The following GRN variants were observed in gnomAD, a reference collection of about 807,000 sequenced individuals.
The protein encoded by GRN is granulin precursor.
Under a neutral mutation model 66.7 loss-of-function variants are expected in GRN, and 30 were observed. The ratio of observed to expected loss-of-function variants is 0.45; its 90% CI spans 0.34 to 0.61. The LOEUF (loss-of-function observed/expected upper bound fraction) is 0.61. Among genes scored for constraint, GRN ranks in the 20% least tolerant of loss-of-function variants. GRN has a pLI of 0.01. For synonymous variants in GRN, 327 were observed against 311.1 expected, an observed-to-expected ratio of 1.05 and a Z score of -0.54; for missense variants, 731 against 803.5, an observed-to-expected ratio of 0.91 and a Z score of 1.09.
chr17:44,351,050 C>G lies in GRN; in HGVS notation c.722C>G (p.Ser241Cys). Residue 241 changes from serine to cysteine, a missense_variant, in exon 8 of 13, where the codon TCC becomes TGC. By Grantham distance (112) the Ser-to-Cys change is moderately radical (BLOSUM62 -1). Around this residue, in one of 3 missense-constraint regions of GRN, gnomAD observed 370 missense variants for 379.8 expected, o/e 0.97. Coordinates refer to ENST00000053867, the MANE Select transcript of GRN (RefSeq NM_002087.4). ...GTCCCCACTCAGGCCACCTGCTGCT[C>G]CGATCACCTGCACTGCTGCCCCCAA... is the stretch of plus-strand genomic sequence containing the variant. ...CCPMPNATCC[S>C]DHLHCCPQDT... is the part of the protein sequence containing the mutation. 6.2e-7 allele frequency: 1 copy of G among 1,613,932 alleles called. No individual in the cohort carries two copies.
At position 44,352,787 on chromosome 17, in the gene GRN, C is replaced by A; in HGVS notation, c.1771C>A (p.Gln591Lys). The A allele has an allele frequency of 6.2e-7, 1 of 1,611,676 alleles. No homozygotes were observed. Among genetic ancestry groups the A allele is most frequent in the African/African-American group, 1.3e-5 (1 of 75,048 alleles). ...CCCTTTGAGGGACCCAGCCTTGAGA[C>A]AGCTGCTGTGAGGGACAGTACTGAA... ...DAPLRDPALRQLL is the reference protein window; with the variant it reads ...DAPLRDPALRKLL Residue 591 changes from glutamine (Q) to lysine (K), a missense_variant, in exon 13 of 13, where the codon CAG becomes AAG. Transcript: ENST00000053867.
intron 7 of GRN, 90 bp from the exon 8 acceptor site, chr17:44,350,947 G>A (rs904129782): frequency 6.7e-7 from 1 of 1,494,176 alleles, no homozygotes; most frequent in South Asian, 1.1e-5. Flanking sequence ...CCCTAGTGGG[G>A]GATTGGGGCA....
chr17:44,351,824 T>C, intron 10 of GRN, 29 bp downstream of exon 10: 1 of 1,607,330 alleles, frequency 6.2e-7, no homozygotes, highest in African/African-American at 1.3e-5. Flanking sequence ...CATCTTGGCC[T>C]GGGCAGGTGG....
intron 1 of GRN, among the ~76,000 whole-genome samples, chr17:44,348,104 A>G (rs1415838854): frequency 6.6e-6 from 1 of 152,198 alleles, no homozygotes; most frequent in Non-Finnish European, 1.5e-5. Context: ...ATTAATTACT[A>G]CTTTGGATGG....
At position 44,352,093 on chromosome 17, in the gene GRN, A is replaced by T. The variant is rs767675579; in HGVS notation, c.1258A>T (p.Ser420Cys). The T allele has an allele frequency of 6.2e-7, 1 of 1,613,576 alleles. No homozygotes were observed. The highest frequency in any genetic ancestry group is 1.7e-5 in the Admixed American group (1 of 59,994). Residue 420 changes from serine to cysteine, a missense_variant, in exon 11 of 13, where the codon AGC becomes TGC. Ser to Cys is a moderately radical substitution (Grantham distance 112). Around this residue, in one of 3 missense-constraint regions of GRN, gnomAD observed 319 missense variants for 347.2 expected, o/e 0.92. Transcript: ENST00000053867. ...CVAEGQCQRG[S>C]EIVAGLEKMP... ...AGCTGAGGGGCAGTGTCAGCGAGGAAGCGAGATCGTGGCTGGACTGGAGAA... is the reference window on the plus strand; with the variant it reads ...AGCTGAGGGGCAGTGTCAGCGAGGATGCGAGATCGTGGCTGGACTGGAGAA...
At chr17:44,350,102 G>A (rs1487310672) in intron 4 of GRN, 126 bp from the exon 5 acceptor site, 12 of 777,196 alleles carry the variant, frequency 1.5e-5, no homozygotes, top group Non-Finnish European at 2.6e-5. Context: ...AGATCACTGA[G>A]CCTTAGTGTC....
Position 44,352,073 on chromosome 17 carries a change from A to G in GRN, c.1238A>G (p.Glu413Gly). The G allele has an allele frequency of 6.2e-7, 1 of 1,613,790 alleles. No individual in the cohort carries two copies. The highest frequency in any genetic ancestry group is 8.5e-7 in the Non-Finnish European group (1 of 1,179,926). Residue 413 changes from glutamate to glycine, a missense_variant, in exon 11 of 13, where the codon GAG becomes GGG. Physicochemically the swap from Glu to Gly is moderately conservative, Grantham distance 98. This residue lies in a region of GRN where 319 missense variants were observed against 347.2 expected (regional missense o/e 0.92). Coordinates refer to ENST00000053867, the MANE Select transcript of GRN (RefSeq NM_002087.4). ...CCCCAGGGCTACACGTGTGTAGCTG[A>G]GGGGCAGTGTCAGCGAGGAAGCGAG... ...CCPQGYTCVA[E>G]GQCQRGSEIV...
intron 10 of GRN, 63 bp from the exon 11 acceptor site, chr17:44,351,952 G>A: frequency 6.7e-7 from 1 of 1,487,516 alleles, no homozygotes; most frequent in Non-Finnish European, 9.3e-7. Flanking sequence ...GGAGTAGGTA[G>A]GGGCTCGGCA....
intron 4 of GRN, chr17:44,349,967 G>A: frequency 1.6e-6 from 1 of 638,080 alleles, no homozygotes. Context: ...AGGCGTTGTG[G>A]GGGTGGGGAG....
At chr17:44,347,282 T>G (rs1003196411) in intron 1 of GRN, among the ~76,000 whole-genome samples, 4 of 151,750 alleles carry the variant, frequency 2.6e-5, no homozygotes, top group African/African-American at 9.7e-5. Context: ...TTTTCAGGGG[T>G]TTTTTTGTTT....
rs772977073 is a variant in GRN, at chr17:44,352,466, C to T, written c.1539C>T (p.His513=). 4.6e-5 allele frequency: 74 copies of T among 1,614,076 alleles called. No individual in the cohort carries two copies. Among genetic ancestry groups the T allele is most frequent in the Admixed American group, 2.7e-4 (16 of 60,026 alleles). ...CCACCTTCCTGGCCCGTAGCCCTCACGTGGGTGTGAAGGACGTGGAGTGTG... is the reference window on the plus strand; with the variant it reads ...CCACCTTCCTGGCCCGTAGCCCTCATGTGGGTGTGAAGGACGTGGAGTGTG... ...QPATFLARSP[H]VGVKDVECGE... The change falls in exon 12 of 13, where the codon CAC becomes CAT. Residue 513 remains histidine, a synonymous_variant. Transcript: ENST00000053867.
At chr17:44,349,110 G>A in intron 1 of GRN, 48 bp from the exon 2 acceptor site, 1 of 1,606,508 alleles carries the variant, frequency 6.2e-7, no homozygotes, top group Non-Finnish European at 8.5e-7. Context: ...TAGAATCAAG[G>A]GTGGCGTGGG....
chr17:44,351,585 C>G lies in GRN; in HGVS notation c.969C>G (p.Pro323=). 6.2e-7 allele frequency: 1 copy of G among 1,614,042 alleles called. No homozygotes were observed. Among genetic ancestry groups the G allele is most frequent in the Non-Finnish European group, 8.5e-7 (1 of 1,179,936 alleles). Residue 323 remains proline, a synonymous_variant, in exon 10 of 13, where the codon CCC becomes CCG. Coordinates refer to ENST00000053867, the MANE Select transcript of GRN (RefSeq NM_002087.4). ...VCCEDHIHCC[P]AGFTCDTQKG... Reference sequence around the variant, plus strand: ...GTGAGGACCACATACACTGCTGTCCCGCGGGGTTTACGTGTGACACGCAGA... The same window carrying G: ...GTGAGGACCACATACACTGCTGTCCGGCGGGGTTTACGTGTGACACGCAGA...
rs2048361626 is a variant in GRN, at chr17:44,350,451, TGTGAA to T, written c.474_478del (p.Cys158Ter). On this transcript the variant is annotated frameshift_variant, in exon 6 of 13. Transcript: ENST00000053867. LOFTEE classifies it high-confidence loss of function. ...GACCATTTTTTCTCAGGCTTCCTGC[TGTGAA>T]GACAGGGTGCACTGCTGTCCGCACG... is the stretch of plus-strand genomic sequence containing the variant. 1 of 1,613,844 alleles carries T rather than the reference TGTGAA, an allele frequency of 6.2e-7. No individual in the cohort carries two copies. Among genetic ancestry groups the T allele is most frequent in the Non-Finnish European group, 8.5e-7 (1 of 1,179,976 alleles).
At chr17:44,349,825 CG>C (rs1567885961) in intron 4 of GRN, 74 bp downstream of exon 4, 4 of 1,003,052 alleles carry the variant, frequency 4.0e-6, no homozygotes, top group Admixed American at 1.9e-5. Flanking sequence ...GCCCAGCTGG[CG>C]GGGGCAGCCC....
chr17:44,350,275 T>C lies in GRN; in HGVS notation c.397T>C (p.Cys133Arg), dbSNP rs1234723276. The change falls in exon 5 of 13, where the codon TGC becomes CGC. Residue 133 changes from cysteine (C) to arginine (R), a missense_variant. By Grantham distance (180) the Cys-to-Arg change is radical (BLOSUM62 -3). Transcript: ENST00000053867. ...CCAGTGCCCTGATAGTCAGTTCGAA[T>C]GCCCGGACTTCTCCACGTGCTGTGT... ...AIQCPDSQFE[C>R]PDFSTCCVMV... is the part of the protein sequence containing the mutation. 1.9e-6 allele frequency: 3 copies of C among 1,613,550 alleles called. No homozygotes were observed. The highest frequency in any genetic ancestry group is 1.1e-5 in the South Asian group (1 of 91,062).
chr17:44,351,031 AC>A lies in GRN; in HGVS notation c.709-5del. 6.2e-7 allele frequency: 1 copy of A among 1,613,298 alleles called. No homozygotes were observed. On this transcript the variant is annotated splice_polypyrimidine_tract_variant and splice_region_variant and intron_variant, in intron 7 of 12. Transcript: ENST00000053867. ...GTGACAAAGACCCACCCCTGTCCCC[AC>A]TCAGGCCACCTGCTGCTCCGATCAC...
chr17:44,348,311 C>G (rs1480546857), intron 1 of GRN, among the ~76,000 whole-genome samples: 1 of 152,216 alleles, frequency 6.6e-6, no homozygotes, highest in Non-Finnish European at 1.5e-5. Flanking sequence ...ACTCAAGGCT[C>G]AGTTCCTCCT....
At chr17:44,347,624 A>G (rs971606516) in intron 1 of GRN, among the ~76,000 whole-genome samples, 9 of 149,038 alleles carry the variant, frequency 6.0e-5, no homozygotes, top group African/African-American at 2.3e-4. Flanking sequence ...GGCTGACTGT[A>G]CTTAACATCT....
Sources: allele counts gnomAD v4.1 joint callset (sites outside exome capture counted in the v4.1 genomes callset), GRCh38; gene constraint gnomAD v4.1.1; regional missense constraint gnomAD v4.1.1; transcripts MANE v1.5; gene names NCBI Gene and HGNC (gene_info 2026-07-23, HGNC 2026-07-21).